MYO5A: variants seen among roughly 807,000 people sequenced by gnomAD.
MYO5A encodes myosin VA, also known as unconventional myosin-Va.
A neutral mutation model predicts 249.7 loss-of-function variants in MYO5A; 98 were observed. The ratio of observed to expected loss-of-function variants is 0.39; its 90% CI spans 0.33 to 0.46. The LOEUF (loss-of-function observed/expected upper bound fraction) is 0.46, where lower values mean the gene tolerates loss of function less well. Ranked by LOEUF, MYO5A falls within the 20% of genes least tolerant of loss-of-function variation. The pLI is 0.98. For synonymous variants in MYO5A, 778 were observed against 810.6 expected (o/e 0.96, Z 0.68); for missense variants, 1,696 against 2,308.8 (o/e 0.73, Z 5.44).
intron 1 of MYO5A, among the ~76,000 whole-genome samples, chr15:52,510,151 T>C (rs2077360466): frequency 6.7e-6 from 1 of 149,278 alleles, no homozygotes; most frequent in Admixed American, 6.7e-5. Context: ...GACTCTGTTT[T>C]CCTACATACA....
rs189228492 is a variant in MYO5A at position 52,477,317 on chromosome 15, C to A, written c.28-44032G>T. ...TCCAATCTTTTTTTAAGGTTCTTGGCTTCTTTGCGATGGGTTTGAACATCC... is the reference window on the plus strand; with the variant it reads ...TCCAATCTTTTTTTAAGGTTCTTGGATTCTTTGCGATGGGTTTGAACATCC... On this transcript the variant is annotated intron_variant, in intron 1 of 41. Transcript: ENST00000399233. Among the ~76,000 whole-genome samples the A allele has an allele frequency of 1.9e-3, 292 of 152,274 alleles. 3 individuals carry two copies. The highest frequency in any genetic ancestry group is 2.0e-3 in the Admixed American group (31 of 15,294).
At chr15:52,491,814 T>C in intron 1 of MYO5A, among the ~76,000 whole-genome samples, 1 of 152,174 alleles carries the variant, frequency 6.6e-6, no homozygotes, top group Admixed American at 6.5e-5. Flanking sequence ...AGCAACACAT[T>C]GAACTACACC....
In MYO5A at chr15:52,508,722, G is replaced by A. The variant is rs116182089; in HGVS notation, c.27+20058C>T. Among the ~76,000 whole-genome samples the A allele has an allele frequency of 3.2e-3, 480 of 152,028 alleles. 4 individuals carry two copies. The highest frequency in any genetic ancestry group is 0.011 in the African/African-American group (466 of 41,414). ...CCCAAATCTCTAGTCTCAAACTACT[G>A]TACTTAGCTTTTTATTTTAGGTTTT... On this transcript the variant is annotated intron_variant, in intron 1 of 41. Transcript: ENST00000399233.
intron 14 of MYO5A, among the ~76,000 whole-genome samples, chr15:52,384,926 A>C (rs2041913719): frequency 6.6e-6 from 1 of 152,248 alleles, no homozygotes; most frequent in African/African-American, 2.4e-5. Flanking sequence ...ACAGAAAAAA[A>C]AGTTTAAAAC....
At chr15:52,322,170 C>G (rs186270370) in intron 37 of MYO5A, among the ~76,000 whole-genome samples, 2 of 152,228 alleles carry the variant, frequency 1.3e-5, no homozygotes, top group African/African-American at 2.4e-5. Flanking sequence ...TGAGGATTCT[C>G]CCTACAGCCA....
chr15:52,361,137 C>CAG lies in MYO5A; in HGVS notation c.3310-1058_3310-1057dup, dbSNP rs543369568. Among the ~76,000 whole-genome samples the CAG allele has an allele frequency of 2.3e-4, 35 of 152,248 alleles. No individual in the cohort carries two copies. The East Asian group carries it at 6.8e-3, about 29-fold the overall frequency. ...ATGTGAAGGGAAGATCCAAGAACAC[C>CAG]AGCACCTCTGAAACGATCCAGAAGC... On this transcript the variant is annotated intron_variant, in intron 24 of 41. Coordinates refer to ENST00000399233, the MANE Select transcript of MYO5A (RefSeq NM_001382347.1).
intron 19 of MYO5A, 23 bp from the exon 20 acceptor site, chr15:52,375,483 T>G: frequency 6.2e-7 from 1 of 1,613,676 alleles, no homozygotes; most frequent in Non-Finnish European, 8.5e-7. Context: ...AATAACATTA[T>G]GTTGTCAGTA....
chr15:52,393,228 T>C (rs542922370), intron 11 of MYO5A, among the ~76,000 whole-genome samples: 3 of 152,314 alleles, frequency 2.0e-5, no homozygotes, highest in African/African-American at 4.8e-5. Context: ...GAAAAGACTT[T>C]CGTGGTGATG....
At chr15:52,413,244 T>C (rs1669856) in intron 5 of MYO5A, among the ~76,000 whole-genome samples, 71,136 of 151,288 alleles carry the variant, frequency 0.47, 18,489 homozygotes, top group East Asian at 0.85. Flanking sequence ...AGGAGGATTG[T>C]TTGAGCCCAG....
intron 24 of MYO5A, among the ~76,000 whole-genome samples, chr15:52,361,869 A>G (rs962144366): frequency 4.6e-5 from 7 of 151,944 alleles, no homozygotes; most frequent in Non-Finnish European, 1.0e-4. Context: ...TCTGCTCCTG[A>G]TTTCTCCCAT....
At chr15:52,386,177 C>T (rs1328507873) in intron 14 of MYO5A, among the ~76,000 whole-genome samples, 5 of 151,972 alleles carry the variant, frequency 3.3e-5, no homozygotes, top group Non-Finnish European at 7.4e-5. Flanking sequence ...GGCATGGTGG[C>T]ATGCATCTGT....
At chr15:52,376,699 C>A (rs1011136945) in intron 18 of MYO5A, 141 bp from the exon 19 acceptor site, 4 of 757,094 alleles carry the variant, frequency 5.3e-6, no homozygotes, top group South Asian at 1.8e-5. Context: ...ACTAATGGAG[C>A]CAGATTTTTA....
chr15:52,360,898 A>C lies in MYO5A; in HGVS notation c.3310-817T>G, dbSNP rs2040488248. Among the ~76,000 whole-genome samples the C allele has an allele frequency of 1.3e-5, 2 of 152,144 alleles. 1 individual carries two copies. The highest frequency in any genetic ancestry group is 4.1e-4 in the South Asian group (2 of 4,822). Reference sequence around the variant, plus strand: ...GAGGTGGAAAAGATCCAGTGGCTTAATCTTGCAGTGTTACAGTCCTGAGGG... The same window carrying C: ...GAGGTGGAAAAGATCCAGTGGCTTACTCTTGCAGTGTTACAGTCCTGAGGG... On this transcript the variant is annotated intron_variant, in intron 24 of 41. Coordinates refer to ENST00000399233, the MANE Select transcript of MYO5A (RefSeq NM_001382347.1).
intron 1 of MYO5A, among the ~76,000 whole-genome samples, chr15:52,445,227 T>C (rs1428443197): frequency 6.6e-6 from 1 of 152,014 alleles, no homozygotes; most frequent in Non-Finnish European, 1.5e-5. Context: ...TCTCGTGAGA[T>C]CTGGGCATTT....
chr15:52,322,568 G>C (rs2038381905), intron 37 of MYO5A, among the ~76,000 whole-genome samples: 1 of 152,182 alleles, frequency 6.6e-6, no homozygotes, highest in Non-Finnish European at 1.5e-5. Flanking sequence ...GATGCTGTAA[G>C]AATTAATGAT....
chr15:52,365,956 C>T (rs2040785621), intron 23 of MYO5A, among the ~76,000 whole-genome samples: 1 of 152,176 alleles, frequency 6.6e-6, no homozygotes, highest in African/African-American at 2.4e-5. Context: ...TCTCCTTCAC[C>T]TCTTAATTTT....
chr15:52,362,950 A>C (rs562563625), intron 24 of MYO5A, among the ~76,000 whole-genome samples: 4 of 152,270 alleles, frequency 2.6e-5, no homozygotes, highest in Non-Finnish European at 2.9e-5. Flanking sequence ...GCACCATTAA[A>C]GAATCCAAGA....
At chr15:52,313,879 G>A in intron 41 of MYO5A, 31 bp from the exon 42 acceptor site, 1 of 1,611,732 alleles carries the variant, frequency 6.2e-7, no homozygotes, top group Non-Finnish European at 8.5e-7. Flanking sequence ...AATAAACAGA[G>A]CATCAGTTCT....
chr15:52,478,289 A>G (rs1225256066), intron 1 of MYO5A, among the ~76,000 whole-genome samples: 1 of 152,082 alleles, frequency 6.6e-6, no homozygotes, highest in Non-Finnish European at 1.5e-5. Flanking sequence ...GGAGTGACCC[A>G]ATTTTCCAGG....
Sources: gnomAD v4.1 joint callset for allele counts (sites outside exome capture counted in the v4.1 genomes callset) on GRCh38, gnomAD v4.1.1 for gene constraint, MANE v1.5 for transcripts, NCBI Gene and HGNC (gene_info 2026-07-23, HGNC 2026-07-21) for gene names.